ASMTL: variants seen among roughly 807,000 people sequenced by gnomAD.
The protein encoded by ASMTL is acetylserotonin O-methyltransferase like, also known as probable bifunctional dTTP/UTP pyrophosphatase/methyltransferase protein.
In ASMTL, 57 loss-of-function variants were observed where a neutral mutation model predicts 60.3. That is an observed-to-expected ratio of 0.95 (90% CI 0.76 to 1.18). The LOEUF is 1.18. Among genes scored for constraint, ASMTL ranks in the 50% most tolerant of loss-of-function variants. ASMTL has a pLI of 0.00. For synonymous variants in ASMTL, 419 were observed against 373.0 expected, an observed-to-expected ratio of 1.12 and a Z score of -1.42; for missense variants, 981 against 852.6, an observed-to-expected ratio of 1.15 and a Z score of -1.88.
At chrX:1,447,343 AT>A (rs1282009756) in intron 1 of ASMTL, among the ~76,000 whole-genome samples, 159 of 152,090 alleles carry the variant, frequency 1.0e-3, no homozygotes, top group African/African-American at 3.6e-3. Flanking sequence ...AAGCACCACC[AT>A]CTTGGACACA....
At position 1,434,525 on chromosome X, in the gene ASMTL, C is replaced by T. The variant is rs189561519; in HGVS notation, c.400+497G>A. ...AAAAGAAAGAAAGAAAGAGAAAGGCCGGGTGCAGTAGCTCACACCTGTAAT... is the reference window on the plus strand; with the variant it reads ...AAAAGAAAGAAAGAAAGAGAAAGGCTGGGTGCAGTAGCTCACACCTGTAAT... On this transcript the variant is annotated intron_variant, in intron 5 of 12. Transcript: ENST00000381317. Among the ~76,000 whole-genome samples the T allele has an allele frequency of 2.3e-3, 335 of 148,544 alleles. 1 individual carries two copies. Among genetic ancestry groups the T allele is most frequent in the African/African-American group, 7.7e-3 (313 of 40,394 alleles).
At chrX:1,450,037 C>CCCATCACCAGTAACTATCCTT (rs1217318887) in intron 1 of ASMTL, among the ~76,000 whole-genome samples, 2 of 150,938 alleles carry the variant, frequency 1.3e-5, no homozygotes, top group East Asian at 2.0e-4. Flanking sequence ...GTAACTATCC[C>CCCATCACCAGTAACTATCCTT]CCATCACCAG....
At chrX:1,420,399 CTGTA>C (rs1456221251) in intron 9 of ASMTL, among the ~76,000 whole-genome samples, 1 of 152,192 alleles carries the variant, frequency 6.6e-6, no homozygotes, top group Non-Finnish European at 1.5e-5. Flanking sequence ...GTCTCCCTGT[CTGTA>C]TGTCTCTCCC....
At chrX:1,442,639 G>A (rs1206166261) in intron 1 of ASMTL, among the ~76,000 whole-genome samples, 1 of 152,100 alleles carries the variant, frequency 6.6e-6, no homozygotes, top group Admixed American at 6.6e-5. Flanking sequence ...GTATTGACTC[G>A]GGCCTTGAAC....
At chrX:1,440,280 C>T (rs1221334057) in intron 2 of ASMTL, among the ~76,000 whole-genome samples, 9 of 151,950 alleles carry the variant, frequency 5.9e-5, no homozygotes, top group Non-Finnish European at 7.4e-5. Context: ...TTAGTACAGA[C>T]GGGGTTTCAC....
Position 1,412,826 on chromosome X carries a change from G to A in ASMTL, c.1551C>T (p.Ser517=), listed in dbSNP as rs755046771. Residue 517 remains serine (S), a synonymous_variant, in exon 12 of 13, where the codon AGC becomes AGT. Transcript: ENST00000381317. ...AGDFFRDPLP[S]AELYVLCRIL... ...TCCGGCACAGGACGTACAGCTCAGCGCTGGGGAGGGGGTCCCTGAAAAAGT... is the reference window on the plus strand; with the variant it reads ...TCCGGCACAGGACGTACAGCTCAGCACTGGGGAGGGGGTCCCTGAAAAAGT... The A allele has an allele frequency of 2.1e-5, 34 of 1,613,824 alleles. No individual in the cohort carries two copies. Among genetic ancestry groups the A allele is most frequent in the Middle Eastern group, 3.3e-4 (2 of 6,076 alleles).
intron 9 of ASMTL, 97 bp downstream of exon 9, chrX:1,421,561 G>A: frequency 7.5e-7 from 1 of 1,327,356 alleles, no homozygotes; most frequent in Non-Finnish European, 1.1e-6. Context: ...TGTCAGACTG[G>A]AGACAGACTG....
In ASMTL at chrX:1,428,082, G is replaced by A. The variant is rs1331683892; in HGVS notation, c.549C>T (p.Gly183=). ...CCCCGTGTACGGACTCCACCAGCATGCCGCCCAGGGCCTGGATCCCGTAGC... is the reference window on the plus strand; with the variant it reads ...CCCCGTGTACGGACTCCACCAGCATACCGCCCAGGGCCTGGATCCCGTAGC... ...AGGYGIQALG[G]MLVESVHGDF... The change falls in exon 7 of 13, where the codon GGC becomes GGT. Residue 183 remains glycine, a synonymous_variant. Transcript: ENST00000381317. 2.5e-6 allele frequency: 4 copies of A among 1,610,648 alleles called. No homozygotes were observed. The African/African-American group carries it at 5.3e-5, about 22-fold the overall frequency.
At chrX:1,432,643 C>A (rs2090829427) in intron 5 of ASMTL, among the ~76,000 whole-genome samples, 1 of 151,856 alleles carries the variant, frequency 6.6e-6, no homozygotes, top group African/African-American at 2.4e-5. Flanking sequence ...TCCTGGCTAA[C>A]ACGGTGAAAC....
rs370845186 is a variant in ASMTL at position 1,427,902 on chromosome X, C to A, written c.729G>T (p.Gly243=). 4 of 1,613,092 alleles carry A rather than the reference C, an allele frequency of 2.5e-6. No homozygotes were observed. The African/African-American group carries it at 4.0e-5, about 16-fold the overall frequency. Residue 243 remains glycine, a synonymous_variant, in exon 7 of 13, where the codon GGG becomes GGT. Coordinates refer to ENST00000381317, the MANE Select transcript of ASMTL (RefSeq NM_004192.4). The part of the protein sequence containing the change: ...DTFEDLSDVE[G]GGSEPTQRDA... ...CCCTCTGAGTGGGCTCCGAGCCGCCCCCCTCCACGTCACTGAGGTCTTCGA... is the reference window on the plus strand; with the variant it reads ...CCCTCTGAGTGGGCTCCGAGCCGCCACCCTCCACGTCACTGAGGTCTTCGA...
At chrX:1,452,912 A>G, upstream of ASMTL, 1 of 1,250,990 alleles carries the variant, frequency 8.0e-7, no homozygotes, top group South Asian at 1.5e-5. Context: ...CGCGGCTGCA[A>G]AAAAAACAGG....
intron 11 of ASMTL, among the ~76,000 whole-genome samples, chrX:1,413,335 C>T (rs748184520): frequency 6.9e-6 from 1 of 144,474 alleles, no homozygotes; most frequent in South Asian, 2.5e-4. Flanking sequence ...GCACTCCAGC[C>T]TGGGCGACAA....
intron 12 of ASMTL, among the ~76,000 whole-genome samples, chrX:1,412,518 A>G (rs2090068125): frequency 6.6e-6 from 1 of 151,826 alleles, no homozygotes; most frequent in African/African-American, 2.4e-5. Flanking sequence ...ATGAGCCACC[A>G]CGCCTGGCTA....
At chrX:1,447,967 T>A (rs1342795737) in intron 1 of ASMTL, among the ~76,000 whole-genome samples, 1 of 149,016 alleles carries the variant, frequency 6.7e-6, no homozygotes, top group Non-Finnish European at 1.5e-5. Context: ...AGCACCACCA[T>A]CTTGGACACA....
intron 2 of ASMTL, among the ~76,000 whole-genome samples, chrX:1,439,554 A>C (rs1302721056): frequency 6.6e-6 from 1 of 152,112 alleles, no homozygotes; most frequent in Non-Finnish European, 1.5e-5. Context: ...ATTTCAGAAA[A>C]AGCTACTTAG....
chrX:1,433,536 G>A (rs1486216662), intron 5 of ASMTL, among the ~76,000 whole-genome samples: 1 of 148,066 alleles, frequency 6.8e-6, no homozygotes, highest in Admixed American at 6.7e-5. Flanking sequence ...GAAAAAATTA[G>A]CCGGGCGTGG....
chrX:1,449,408 C>T (rs1402361683), intron 1 of ASMTL, among the ~76,000 whole-genome samples: 3 of 151,904 alleles, frequency 2.0e-5, no homozygotes, highest in Admixed American at 6.5e-5. Flanking sequence ...GACCCCTGCC[C>T]TATGCCCTGT....
At chrX:1,435,155 A>C in intron 4 of ASMTL, 72 bp from the exon 5 acceptor site, 1 of 1,529,576 alleles carries the variant, frequency 6.5e-7, no homozygotes, top group Non-Finnish European at 9.1e-7. Flanking sequence ...GTTTCTCAAA[A>C]CCAGGGGAGG....
intron 3 of ASMTL, 28 bp from the exon 4 acceptor site, chrX:1,435,786 G>T: frequency 6.2e-7 from 1 of 1,602,426 alleles, no homozygotes; most frequent in Non-Finnish European, 8.5e-7. Flanking sequence ...AGAGGGAGTT[G>T]GTTCCCACCG....
Sources: allele counts gnomAD v4.1 joint callset (sites outside exome capture counted in the v4.1 genomes callset), GRCh38; gene constraint gnomAD v4.1.1; transcripts MANE v1.5; gene names NCBI Gene and HGNC (gene_info 2026-07-23, HGNC 2026-07-21).